BANK1: variants seen among roughly 807,000 people sequenced by gnomAD.
BANK1 encodes the protein B-cell scaffold protein with ankyrin repeats.
Under a neutral mutation model 94.5 loss-of-function variants are expected in BANK1, and 95 were observed. That is an observed-to-expected ratio of 1.00 (90% CI 0.85 to 1.19). The LOEUF (loss-of-function observed/expected upper bound fraction) is 1.19, where lower values mean the gene tolerates loss of function less well. Ranked by LOEUF, BANK1 falls within the 50% of genes most tolerant of loss-of-function variation. The probability of loss-of-function intolerance (pLI) is 0.00; values close to 1 mark genes in which losing one functional copy is unlikely to be tolerated. For synonymous variants in BANK1, 334 were observed against 308.4 expected (o/e 1.08, Z -0.87); for missense variants, 987 against 932.2 (o/e 1.06, Z -0.77).
chr4:101,850,610 A>G (rs1727437296), intron 2 of BANK1, among the ~76,000 whole-genome samples: 1 of 152,182 alleles, frequency 6.6e-6, no homozygotes, highest in Middle Eastern at 3.4e-3. Context: ...TGCTACACAG[A>G]CACTGCATTT....
intron 12 of BANK1, chr4:102,061,896 A>C (rs985801300): frequency 8.5e-5 from 13 of 152,184 alleles, no homozygotes; most frequent in African/African-American, 3.1e-4. Context: ...AGGCCAACAG[A>C]TACTAAGATT....
chr4:102,041,769 G>T (rs1170679446), intron 10 of BANK1, among the ~76,000 whole-genome samples: 1 of 151,910 alleles, frequency 6.6e-6, no homozygotes, highest in African/African-American at 2.4e-5. Flanking sequence ...GTGAAATCGC[G>T]ACAATAAATA....
At chr4:101,804,916 A>G (rs6833249) in intron 1 of BANK1, among the ~76,000 whole-genome samples, 136,802 of 152,186 alleles carry the variant, frequency 0.9, 61,822 homozygotes, top group African/African-American at 0.98. Flanking sequence ...TCGTTCAAGC[A>G]TCAATTGTGT....
intron 1 of BANK1, among the ~76,000 whole-genome samples, chr4:101,827,185 A>G (rs968839618): frequency 6.6e-6 from 1 of 151,956 alleles, no homozygotes; most frequent in African/African-American, 2.4e-5. Context: ...TCTCTCTCAC[A>G]TAAACAATTG....
intron 11 of BANK1, among the ~76,000 whole-genome samples, chr4:102,047,441 G>C (rs1045095224): frequency 1.3e-5 from 2 of 151,788 alleles, no homozygotes; most frequent in Non-Finnish European, 2.9e-5. Flanking sequence ...TCTTTTTTAA[G>C]TCTACTATTA....
chr4:101,990,396 A>G (rs1725659395), intron 7 of BANK1, among the ~76,000 whole-genome samples: 1 of 152,212 alleles, frequency 6.6e-6, no homozygotes, highest in Non-Finnish European at 1.5e-5. Flanking sequence ...TGCAAATCTA[A>G]TAAACAAGAA....
intron 2 of BANK1, among the ~76,000 whole-genome samples, chr4:101,839,986 T>A (rs63749516): frequency 9.6e-6 from 1 of 104,050 alleles, no homozygotes; most frequent in African/African-American, 3.6e-5. Context: ...TTTTTTTTTT[T>A]GAGACAGAGT....
intron 9 of BANK1, among the ~76,000 whole-genome samples, chr4:102,025,979 C>T (rs1422108667): frequency 6.6e-6 from 1 of 152,174 alleles, no homozygotes; most frequent in Non-Finnish European, 1.5e-5. Flanking sequence ...TTCAGATGAA[C>T]TTGGGTACTT....
chr4:101,846,061 T>C (rs1271406529), intron 2 of BANK1, among the ~76,000 whole-genome samples: 1 of 149,448 alleles, frequency 6.7e-6, no homozygotes, highest in Non-Finnish European at 1.5e-5. Context: ...TTCCCTTTCC[T>C]GTGTCCATGT....
At chr4:102,035,813 A>T in intron 10 of BANK1, among the ~76,000 whole-genome samples, 1 of 152,142 alleles carries the variant, frequency 6.6e-6, no homozygotes, top group East Asian at 1.9e-4. Context: ...CTGTTTTCAG[A>T]TATATTTTCC....
chr4:101,996,866 C>A (rs1725896793), intron 7 of BANK1, among the ~76,000 whole-genome samples: 1 of 152,142 alleles, frequency 6.6e-6, no homozygotes, highest in Non-Finnish European at 1.5e-5. Flanking sequence ...ACAATCATGT[C>A]ATCTGCAAAC....
At chr4:102,053,334 A>G (rs114484267) in intron 11 of BANK1, among the ~76,000 whole-genome samples, 1,717 of 152,256 alleles carry the variant, frequency 0.011, 35 homozygotes, top group African/African-American at 0.037. Flanking sequence ...ACCCTAGCAA[A>G]TCTTTTTGAT....
intron 11 of BANK1, among the ~76,000 whole-genome samples, chr4:102,054,994 A>G (rs2148961202): frequency 6.6e-6 from 1 of 152,160 alleles, no homozygotes; most frequent in Admixed American, 6.5e-5. Context: ...TATATTTTTA[A>G]CTTCTTCAAG....
chr4:101,965,949 G>A lies in BANK1; in HGVS notation c.1206+47760G>A, dbSNP rs142372023. On this transcript the variant is annotated intron_variant, in intron 7 of 16. Coordinates refer to ENST00000322953, the MANE Select transcript of BANK1 (RefSeq NM_017935.5). Reference sequence around the variant, plus strand: ...TAATCCTCTTGTCCCCATGGGCAATGTCTGTTCACTTTGTGGCTTGCTGCT... The same window carrying A: ...TAATCCTCTTGTCCCCATGGGCAATATCTGTTCACTTTGTGGCTTGCTGCT... 5.3e-5 allele frequency among the ~76,000 whole-genome samples: 8 copies of A among 152,160 alleles called. No homozygotes were observed. The East Asian group carries it at 1.5e-3, about 29-fold the overall frequency.
chr4:102,011,915 G>A (rs1438068554), intron 7 of BANK1, among the ~76,000 whole-genome samples: 1 of 152,020 alleles, frequency 6.6e-6, no homozygotes, highest in African/African-American at 2.4e-5. Flanking sequence ...TAAACTCATC[G>A]AAGTTCAGTG....
intron 7 of BANK1, among the ~76,000 whole-genome samples, chr4:101,969,899 T>C (rs1724896685): frequency 1.3e-5 from 2 of 152,108 alleles, no homozygotes; most frequent in Admixed American, 6.6e-5. Context: ...AGTAAAATTA[T>C]TTATTATTTT....
chr4:102,001,186 G>T (rs1158326845), intron 7 of BANK1, among the ~76,000 whole-genome samples: 1 of 152,194 alleles, frequency 6.6e-6, no homozygotes, highest in African/African-American at 2.4e-5. Context: ...AAGGCTGTAC[G>T]TTCATTTCCC....
chr4:102,044,434 T>C (rs1368413292), intron 11 of BANK1, among the ~76,000 whole-genome samples: 1 of 151,990 alleles, frequency 6.6e-6, no homozygotes, highest in Non-Finnish European at 1.5e-5. Flanking sequence ...TCTATCATTG[T>C]TGGACATTTG....
intron 7 of BANK1, chr4:101,972,868 T>A (rs1240625046): frequency 1.3e-5 from 2 of 152,132 alleles, no homozygotes; most frequent in Non-Finnish European, 2.9e-5. Context: ...CTGTGACAAA[T>A]AATTCTGTGT....
Sources: allele counts gnomAD v4.1 joint callset (sites outside exome capture counted in the v4.1 genomes callset), GRCh38; gene constraint gnomAD v4.1.1; transcripts MANE v1.5; gene names NCBI Gene and HGNC (gene_info 2026-07-23, HGNC 2026-07-21).